The following PACRGL variants were observed in gnomAD, a reference collection of about 807,000 sequenced individuals.
The protein encoded by PACRGL is PACRG-like protein.
A neutral mutation model predicts 34.5 loss-of-function variants in PACRGL; 38 were observed. That is an observed-to-expected ratio of 1.10 (90% CI 0.85 to 1.44). PACRGL has a LOEUF of 1.44. Ranked by LOEUF, PACRGL falls within the 40% of genes most tolerant of loss-of-function variation. The pLI, the probability that PACRGL is intolerant of heterozygous loss-of-function variation, is 0.00. For missense variants in PACRGL, 305 were observed against 281.4 expected, an observed-to-expected ratio of 1.08 and a Z score of -0.60; for synonymous variants, 128 against 100.1, an observed-to-expected ratio of 1.28 and a Z score of -1.66.
chr4:20,729,055 GCTTGCTAATT>G lies in PACRGL; in HGVS notation c.*1715_*1724del, dbSNP rs1560388171. 1.4e-5 allele frequency: 1 copy of G among 69,806 alleles called. No individual in the cohort carries two copies. Among genetic ancestry groups the G allele is most frequent in the Non-Finnish European group, 3.1e-5 (1 of 32,616 alleles). The allele number at this position is 69,806 out of a possible 1,614,324, so 4.3% of individuals were successfully genotyped here. ...CACTGGTGCTTTCAAAGTGAATTTT[GCTTGCTAATT>G]TTGCTTGCTGTTTGTTCTTAGTAGA... is the stretch of plus-strand genomic sequence containing the variant. On this transcript the variant is annotated 3_prime_UTR_variant, in exon 9 of 9. Coordinates refer to ENST00000503585, the MANE Select transcript of PACRGL (RefSeq NM_001258345.3).
rs755516734 is a variant in PACRGL at position 20,731,995 on chromosome 4, T to C, written c.*4654T>C. ...AGCTGAATTGATAGTTATTACACTT[T>C]CATTACTTACTTTTTGGCAGCTTTC... On this transcript the variant is annotated 3_prime_UTR_variant, in exon 9 of 9. Transcript: ENST00000503585. The C allele has an allele frequency of 3.2e-5, 52 of 1,613,028 alleles. No homozygotes were observed. The Admixed American group carries it at 6.7e-4, about 21-fold the overall frequency.
At chr4:20,723,524 GAT>G (rs771249992) in intron 7 of PACRGL, among the ~76,000 whole-genome samples, 16 of 151,974 alleles carry the variant, frequency 1.1e-4, no homozygotes, top group Non-Finnish European at 1.6e-4. Context: ...AAAGGGATGT[GAT>G]ATGTAGAGAA....
intron 5 of PACRGL, among the ~76,000 whole-genome samples, chr4:20,711,720 C>T (rs1258193170): frequency 6.6e-6 from 1 of 151,708 alleles, no homozygotes; most frequent in Non-Finnish European, 1.5e-5. Context: ...GTCAGATGGC[C>T]CTTTTGACTC....
upstream of PACRGL, among the ~76,000 whole-genome samples, chr4:20,699,999 G>C (rs1731551549): frequency 6.6e-6 from 1 of 152,140 alleles, no homozygotes; most frequent in South Asian, 2.1e-4. Flanking sequence ...TAGCCAGATA[G>C]AACAGGAAAC....
intron 5 of PACRGL, 91 bp downstream of exon 5, chr4:20,709,864 C>A (rs779025739): frequency 9.2e-7 from 1 of 1,088,520 alleles, no homozygotes; most frequent in Non-Finnish European, 1.4e-6. Flanking sequence ...AAATTTCATT[C>A]TATGCCTTTG....
At chr4:20,743,276 G>A (rs943700850) in intron 8 of PACRGL, among the ~76,000 whole-genome samples, 1 of 152,078 alleles carries the variant, frequency 6.6e-6, no homozygotes, top group African/African-American at 2.4e-5. Flanking sequence ...CTACTTTAAA[G>A]TTCATATGGA....
chr4:20,714,181 C>T (rs529504016), intron 7 of PACRGL, among the ~76,000 whole-genome samples: 154 of 152,136 alleles, frequency 1.0e-3, no homozygotes, highest in Admixed American at 0.01. Flanking sequence ...TCTGGGTGCT[C>T]CTGTATTGGG....
At position 20,731,996 on chromosome 4, in the gene PACRGL, C is replaced by G; in HGVS notation, c.*4655C>G. ...GCTGAATTGATAGTTATTACACTTT[C>G]ATTACTTACTTTTTGGCAGCTTTCA... On this transcript the variant is annotated 3_prime_UTR_variant, in exon 9 of 9. Transcript: ENST00000503585. 6.2e-7 allele frequency: 1 copy of G among 1,613,102 alleles called. No homozygotes were observed. Among genetic ancestry groups the G allele is most frequent in the Non-Finnish European group, 8.5e-7 (1 of 1,179,684 alleles).
chr4:20,704,583 T>A, intron 2 of PACRGL, 50 bp downstream of exon 2: 1 of 1,613,046 alleles, frequency 6.2e-7, no homozygotes, highest in Non-Finnish European at 8.5e-7. Flanking sequence ...TTCATGGCAC[T>A]TTCTGTGCTA....
At position 20,731,795 on chromosome 4, in the gene PACRGL, C is replaced by A. The variant is rs989315099; in HGVS notation, c.*4454C>A. 2.0e-6 allele frequency: 2 copies of A among 985,236 alleles called. No homozygotes were observed. Among genetic ancestry groups the A allele is most frequent in the African/African-American group, 3.5e-5 (2 of 57,206 alleles). The allele number at this position is 985,236 out of a possible 1,614,324, so 61.0% of individuals were successfully genotyped here. A position where few individuals can be genotyped will look rare whatever the true frequency, so the allele number is the denominator to read the frequency against. ...TACAACTTTTGTATCCCCAGGGTTT[C>A]CTCCATAGCCTGACTCAGTGGGCAC... On this transcript the variant is annotated 3_prime_UTR_variant, in exon 9 of 9. Coordinates refer to ENST00000503585, the MANE Select transcript of PACRGL (RefSeq NM_001258345.3).
intron 1 of PACRGL, chr4:20,702,254 T>C: frequency 2.2e-6 from 1 of 455,998 alleles, no homozygotes; most frequent in South Asian, 1.6e-5. Flanking sequence ...CATCATAATT[T>C]GATATGGCTG....
the PACRGL span, among the ~76,000 whole-genome samples, chr4:20,761,466 G>A: frequency 6.6e-6 from 1 of 152,138 alleles, no homozygotes; most frequent in Non-Finnish European, 1.5e-5. Flanking sequence ...TAAACACTTT[G>A]CAGTTAGACC....
intron 1 of PACRGL, chr4:20,701,881 T>G: frequency 2.2e-6 from 1 of 456,450 alleles, no homozygotes; most frequent in Non-Finnish European, 4.4e-6. Flanking sequence ...AATTTGTCGT[T>G]AAGGTAAAGG....
chr4:20,713,403 A>G (rs373467968), intron 6 of PACRGL, 29 bp from the exon 7 acceptor site: 237 of 1,554,738 alleles, frequency 1.5e-4, no homozygotes, highest in Non-Finnish European at 2.0e-4. Context: ...CCTGATGTCC[A>G]TACATCCCCC....
intron 8 of PACRGL, among the ~76,000 whole-genome samples, chr4:20,725,813 G>A (rs1198981578): frequency 6.6e-6 from 1 of 151,554 alleles, no homozygotes; most frequent in East Asian, 1.9e-4. Context: ...ACAAGAGGAA[G>A]TAAGTGTCTA....
downstream of PACRGL, chr4:20,732,844 G>C: frequency 9.6e-7 from 1 of 1,040,456 alleles, no homozygotes; most frequent in Non-Finnish European, 1.4e-6. Flanking sequence ...ACCAGTCTAA[G>C]AAGCTCTGAC....
the PACRGL span, chr4:20,758,814 T>G: frequency 1.2e-6 from 2 of 1,607,130 alleles, no homozygotes; most frequent in South Asian, 2.2e-5. Flanking sequence ...TCCACATTTG[T>G]ACTTACCTCC....
intron 8 of PACRGL, among the ~76,000 whole-genome samples, chr4:20,742,336 G>A (rs969265844): frequency 5.9e-5 from 9 of 152,078 alleles, no homozygotes; most frequent in South Asian, 2.1e-4. Flanking sequence ...TTAGCAAACC[G>A]AATCCAGCAG....
chr4:20,752,248 A>G (rs779070384), intron 8 of PACRGL, among the ~76,000 whole-genome samples: 1 of 151,840 alleles, frequency 6.6e-6, no homozygotes, highest in African/African-American at 2.4e-5. Flanking sequence ...TAGTAGAGAC[A>G]GGGTTTCATC....
Sources: allele counts gnomAD v4.1 joint callset (sites outside exome capture counted in the v4.1 genomes callset), GRCh38; gene constraint gnomAD v4.1.1; transcripts MANE v1.5; gene names NCBI Gene and HGNC (gene_info 2026-07-23, HGNC 2026-07-21).